The following NHLRC2 variants were observed in gnomAD, a reference collection of about 807,000 sequenced individuals.
The protein encoded by NHLRC2 is NHL repeat containing 2.
Under a neutral mutation model 68.1 loss-of-function variants are expected in NHLRC2, and 33 were observed. The observed-to-expected ratio is 0.48, with a 90% CI of 0.37 to 0.65. The LOEUF (loss-of-function observed/expected upper bound fraction) is 0.65. NHLRC2 is among the 30% of genes least tolerant of loss of function. NHLRC2 has a pLI of 0.00. For missense variants in NHLRC2, 761 were observed against 853.8 expected (o/e 0.89, Z 1.35); for synonymous variants, 311 against 309.6 (o/e 1.00, Z -0.05).
intron 7 of NHLRC2, 125 bp downstream of exon 7, chr10:113,902,022 G>C (rs1195979882): frequency 1.5e-6 from 1 of 669,564 alleles, no homozygotes; most frequent in East Asian, 2.7e-5. Flanking sequence ...CAAAATGAAA[G>C]TCAGACCAAA....
At chr10:113,874,483 TGTGTGTGTGTG>T (rs1488142331) in intron 2 of NHLRC2, among the ~76,000 whole-genome samples, 1 of 148,132 alleles carries the variant, frequency 6.8e-6, no homozygotes, top group African/African-American at 2.6e-5. Flanking sequence ...TGTGTGTGTG[TGTGTGTGTGTG>T]TTTAGCCTTT....
rs944850187 is a variant in NHLRC2, at chr10:113,909,905, T to C, written c.*1369T>C. On this transcript the variant is annotated 3_prime_UTR_variant, in exon 11 of 11. Coordinates refer to ENST00000369301, the MANE Select transcript of NHLRC2 (RefSeq NM_198514.4). ...GTGCTAAATTTGAAGTGTAATCTTT[T>C]TTAAACATCATTGTCTATTTTTAAT... The C allele has an allele frequency of 5.3e-5, 8 of 152,218 alleles. No individual in the cohort carries two copies. Among genetic ancestry groups the C allele is most frequent in the Admixed American group, 5.2e-4 (8 of 15,284 alleles). The allele number at this position is 152,218 out of a possible 1,614,324, so 9.4% of individuals were successfully genotyped here.
At chr10:113,866,171 C>T (rs1845866390) in intron 2 of NHLRC2, among the ~76,000 whole-genome samples, 2 of 152,200 alleles carry the variant, frequency 1.3e-5, no homozygotes, top group Admixed American at 6.5e-5. Context: ...CTTTCACAGT[C>T]GCAAATGAGA....
In NHLRC2 at chr10:113,884,385, G is replaced by A; in HGVS notation, c.1039+5G>A. 2 of 1,603,150 alleles carry A rather than the reference G, an allele frequency of 1.2e-6. No individual in the cohort carries two copies. The highest frequency in any genetic ancestry group is 1.7e-6 in the Non-Finnish European group (2 of 1,173,162). On this transcript the variant is annotated splice_donor_5th_base_variant and intron_variant, in intron 5 of 10. Transcript: ENST00000369301. ...ATGTAGTTTTTGGAACATCAGGTATGTGAACTTTTGATATTAAATGTAAAG... is the reference window on the plus strand; with the variant it reads ...ATGTAGTTTTTGGAACATCAGGTATATGAACTTTTGATATTAAATGTAAAG...
At chr10:113,907,524 T>G (rs1483444653) in intron 10 of NHLRC2, among the ~76,000 whole-genome samples, 1 of 152,218 alleles carries the variant, frequency 6.6e-6, no homozygotes, top group Non-Finnish European at 1.5e-5. Flanking sequence ...CAGTATGACA[T>G]GTGTGTTCCT....
At chr10:113,856,812 A>G (rs1433010086) in intron 1 of NHLRC2, among the ~76,000 whole-genome samples, 1 of 152,204 alleles carries the variant, frequency 6.6e-6, no homozygotes, top group Non-Finnish European at 1.5e-5. Context: ...TTAGCAGTAA[A>G]CTATAATCAG....
At chr10:113,884,807 A>G (rs1846067213) in intron 5 of NHLRC2, among the ~76,000 whole-genome samples, 1 of 151,628 alleles carries the variant, frequency 6.6e-6, no homozygotes, top group African/African-American at 2.4e-5. Flanking sequence ...AAAAGAAATC[A>G]AAGAGGCAGC....
Position 113,916,578 on chromosome 10 carries a change from A to G in NHLRC2, c.*8042A>G, listed in dbSNP as rs1282091715. The G allele has an allele frequency of 6.6e-6, 1 of 152,182 alleles. No homozygotes were observed. The highest frequency in any genetic ancestry group is 1.5e-5 in the Non-Finnish European group (1 of 68,020). The allele number at this position is 152,182 out of a possible 1,614,324, so 9.4% of individuals were successfully genotyped here. A position where few individuals can be genotyped will look rare whatever the true frequency, so the allele number is the denominator to read the frequency against. ...TCTCACTGTTAAGTTGCATTGAGAG[A>G]CAATTAGAAATGTTGTAATTGTCAT... On this transcript the variant is annotated 3_prime_UTR_variant, in exon 11 of 11. Coordinates refer to ENST00000369301, the MANE Select transcript of NHLRC2 (RefSeq NM_198514.4).
At chr10:113,886,576 C>G (rs1447830700) in intron 5 of NHLRC2, among the ~76,000 whole-genome samples, 2 of 152,010 alleles carry the variant, frequency 1.3e-5, no homozygotes. Context: ...CAGAAATAAA[C>G]CCAAGTATTT....
At chr10:113,870,721 C>T (rs1355457370) in intron 2 of NHLRC2, among the ~76,000 whole-genome samples, 3 of 152,170 alleles carry the variant, frequency 2.0e-5, no homozygotes, top group Non-Finnish European at 4.4e-5. Context: ...AGTTCTTCAT[C>T]AGGAAAGTTG....
intron 3 of NHLRC2, among the ~76,000 whole-genome samples, chr10:113,877,314 T>G (rs546960137): frequency 1.3e-5 from 2 of 152,124 alleles, no homozygotes; most frequent in African/African-American, 4.8e-5. Context: ...GGATTTCAGA[T>G]GTTTTAAGTA....
intron 5 of NHLRC2, among the ~76,000 whole-genome samples, chr10:113,890,399 G>C (rs1287288287): frequency 6.6e-6 from 1 of 152,044 alleles, no homozygotes; most frequent in Non-Finnish European, 1.5e-5. Context: ...TTCTTTATAT[G>C]TAAAGTGTAT....
In NHLRC2 at chr10:113,915,260, C is replaced by T. The variant is rs1230741566; in HGVS notation, c.*6724C>T. On this transcript the variant is annotated 3_prime_UTR_variant, in exon 11 of 11. Transcript: ENST00000369301. ...TGCAACTATTTGCAAACATACTTCC[C>T]TACCTGTACAAGCAGCCATATACTA... 2.2e-6 allele frequency: 1 copy of T among 456,074 alleles called. No individual in the cohort carries two copies. Among genetic ancestry groups the T allele is most frequent in the Non-Finnish European group, 4.4e-6 (1 of 226,932 alleles). 28.3% of individuals were successfully genotyped at this position (456,074 alleles called of 1,614,324 possible).
chr10:113,885,306 G>C (rs1846071388), intron 5 of NHLRC2, among the ~76,000 whole-genome samples: 1 of 151,814 alleles, frequency 6.6e-6, no homozygotes, highest in Non-Finnish European at 1.5e-5. Flanking sequence ...TAAGTATTTT[G>C]TGTAGGTTAT....
chr10:113,867,479 A>G (rs935852924), intron 2 of NHLRC2, among the ~76,000 whole-genome samples: 1 of 152,208 alleles, frequency 6.6e-6, no homozygotes, highest in Non-Finnish European at 1.5e-5. Context: ...AGCGATTTTG[A>G]TCCTTTCATT....
rs772566645 is a variant in NHLRC2, at chr10:113,908,419, CTGT to C, written c.2065_2067del (p.Cys689del). ...TATCTGTCAGTGTGTTTCTTTATTA[CTGT>C]AGTGCAGACAGCAGTGCTTGTATGA... On this transcript the variant is annotated inframe_deletion, in exon 11 of 11. Coordinates refer to ENST00000369301, the MANE Select transcript of NHLRC2 (RefSeq NM_198514.4). The C allele has an allele frequency of 1.2e-6, 2 of 1,614,034 alleles. No individual in the cohort carries two copies. Among genetic ancestry groups the C allele is most frequent in the South Asian group, 1.1e-5 (1 of 91,080 alleles).
At position 113,901,830 on chromosome 10, in the gene NHLRC2, C is replaced by A. The variant is rs761561661; in HGVS notation, c.1304C>A (p.Thr435Lys). 6.2e-7 allele frequency: 1 copy of A among 1,614,116 alleles called. No individual in the cohort carries two copies. The highest frequency in any genetic ancestry group is 8.5e-7 in the Non-Finnish European group (1 of 1,179,988). The change falls in exon 7 of 11, where the codon ACA (threonine) becomes AAA (lysine). Residue 435 changes from threonine (T) to lysine (K), a missense_variant. By Grantham distance (78) the Thr-to-Lys change is moderately conservative. Coordinates refer to ENST00000369301, the MANE Select transcript of NHLRC2 (RefSeq NM_198514.4). ...CLFVADSESS[T>K]VRTVSLKDGA... ...TTTGTAGCAGATAGTGAGAGCAGTACAGTGAGAACCGTTTCACTGAAAGAT... is the reference window on the plus strand; with the variant it reads ...TTTGTAGCAGATAGTGAGAGCAGTAAAGTGAGAACCGTTTCACTGAAAGAT...
intron 5 of NHLRC2, among the ~76,000 whole-genome samples, chr10:113,897,092 C>T (rs369533387): frequency 7.9e-5 from 12 of 151,754 alleles, no homozygotes; most frequent in South Asian, 2.1e-4. Context: ...TATTCATTTT[C>T]GTGGGCTTTC....
intron 5 of NHLRC2, among the ~76,000 whole-genome samples, chr10:113,893,669 C>A (rs1237796475): frequency 6.6e-6 from 1 of 152,102 alleles, no homozygotes; most frequent in African/African-American, 2.4e-5. Flanking sequence ...TACACAGAGA[C>A]CAAAACTAAA....
Sources: allele counts gnomAD v4.1 joint callset (sites outside exome capture counted in the v4.1 genomes callset), GRCh38; gene constraint gnomAD v4.1.1; transcripts MANE v1.5; gene names NCBI Gene and HGNC (gene_info 2026-07-23, HGNC 2026-07-21).